The following HMCN1 variants were observed in gnomAD, a reference collection of about 807,000 sequenced individuals.
HMCN1 encodes hemicentin-1.
A neutral mutation model predicts 625.9 loss-of-function variants in HMCN1; 321 were observed. That is an observed-to-expected ratio of 0.51 (90% confidence interval 0.47 to 0.56). HMCN1 has a LOEUF of 0.56. Among genes scored for constraint, HMCN1 ranks in the 20% least tolerant of loss-of-function variants. HMCN1 has a pLI of 0.00. For missense variants in HMCN1, 6,588 were observed against 6,887.3 expected, an observed-to-expected ratio of 0.96 and a Z score of 1.54; for synonymous variants, 2,425 against 2,417.6, an observed-to-expected ratio of 1.00 and a Z score of -0.09.
chr1:186,127,167 G>A (rs1309330402), intron 82 of HMCN1, among the ~76,000 whole-genome samples: 2 of 152,068 alleles, frequency 1.3e-5, no homozygotes, highest in Non-Finnish European at 2.9e-5. Flanking sequence ...GCTACAGGTG[G>A]TACAGGAAGG....
chr1:186,029,223 A>C (rs1655257892), intron 36 of HMCN1, among the ~76,000 whole-genome samples: 1 of 151,758 alleles, frequency 6.6e-6, no homozygotes, highest in Admixed American at 6.5e-5. Flanking sequence ...ATTTTTTTTC[A>C]ACCTTCTGAG....
chr1:186,041,231 A>C (rs1656186251), intron 40 of HMCN1, 95 bp downstream of exon 40: 21 of 1,051,206 alleles, frequency 2.0e-5, no homozygotes, highest in Non-Finnish European at 3.0e-5. Context: ...ACAATAAAGA[A>C]CAATGAACCT....
chr1:185,744,576 T>A (rs1654255808), intron 1 of HMCN1, among the ~76,000 whole-genome samples: 1 of 152,192 alleles, frequency 6.6e-6, no homozygotes, highest in East Asian at 1.9e-4. Flanking sequence ...TGCTCTTGAT[T>A]CAAGTCTGTG....
intron 1 of HMCN1, among the ~76,000 whole-genome samples, chr1:185,779,129 T>G (rs1461225397): frequency 2.0e-5 from 3 of 152,102 alleles, no homozygotes; most frequent in Admixed American, 6.5e-5. Context: ...TGTCTGTTGG[T>G]TGCATAAATG....
intron 1 of HMCN1, among the ~76,000 whole-genome samples, chr1:185,807,648 G>C (rs1659255432): frequency 6.6e-6 from 1 of 152,110 alleles, no homozygotes; most frequent in African/African-American, 2.4e-5. Context: ...CTCCTTTAAA[G>C]TAAGCCTTCC....
chr1:185,978,611 G>T (rs946699074), intron 16 of HMCN1, among the ~76,000 whole-genome samples: 1 of 152,092 alleles, frequency 6.6e-6, no homozygotes, highest in African/African-American at 2.4e-5. Context: ...TAAAAATAAT[G>T]GGATGTTTGG....
chr1:186,105,977 G>T (rs559122002), intron 69 of HMCN1, among the ~76,000 whole-genome samples: 1 of 152,156 alleles, frequency 6.6e-6, no homozygotes, highest in African/African-American at 2.4e-5. Flanking sequence ...TGTAAGTGTT[G>T]TTCTTCTAAA....
chr1:185,767,376 A>G lies in HMCN1; in HGVS notation c.268+32329A>G, dbSNP rs74133299. Among the ~76,000 whole-genome samples, 1,352 of 152,326 alleles carry G rather than the reference A, an allele frequency of 8.9e-3. 20 individuals are homozygous for G. Among genetic ancestry groups the G allele is most frequent in the African/African-American group, 0.029 (1,219 of 41,572 alleles). On this transcript the variant is annotated intron_variant, in intron 1 of 106. Coordinates refer to ENST00000271588, the MANE Select transcript of HMCN1 (RefSeq NM_031935.3). ...TGTGAATTTTGAGAGTAAATATTTC[A>G]GTTAAATGGTATCAGCTTTCCATTT...
chr1:186,054,192 G>C (rs1657152695), intron 44 of HMCN1, among the ~76,000 whole-genome samples: 2 of 151,966 alleles, frequency 1.3e-5, no homozygotes, highest in African/African-American at 4.8e-5. Flanking sequence ...TGTCCACTCT[G>C]CATTAGCTCA....
chr1:186,060,094 G>GA (rs946429450), intron 46 of HMCN1, among the ~76,000 whole-genome samples: 67 of 151,870 alleles, frequency 4.4e-4, no homozygotes, highest in African/African-American at 1.5e-3. Context: ...ATTCAATTGG[G>GA]AAAAAAAGGC....
At position 185,963,779 on chromosome 1, in the gene HMCN1, C is replaced by A; in HGVS notation, c.1982C>A (p.Thr661Asn). The change falls in exon 13 of 107, where the codon ACC becomes AAC. Residue 661 changes from threonine (T) to asparagine (N), a missense_variant. By Grantham distance (65) the Thr-to-Asn change is moderately conservative. Coordinates refer to ENST00000271588, the MANE Select transcript of HMCN1 (RefSeq NM_031935.3). ...TTTTTTATTCATAGGTATAGGATGA[C>A]CTCAGATGGTACCTTATTTATCAAA... ...FIVGSHRYRM[T>N]SDGTLFIKNA... 3 of 1,603,306 alleles carry A rather than the reference C, an allele frequency of 1.9e-6. No individual in the cohort carries two copies. The highest frequency in any genetic ancestry group is 2.6e-6 in the Non-Finnish European group (3 of 1,170,832).
At chr1:185,858,063 CT>C (rs1461353997) in intron 2 of HMCN1, among the ~76,000 whole-genome samples, 1 of 152,082 alleles carries the variant, frequency 6.6e-6, no homozygotes, top group Non-Finnish European at 1.5e-5. Context: ...CAAATCTCTG[CT>C]TTTTCACTTA....
chr1:185,870,269 T>C (rs1457513348), intron 4 of HMCN1, among the ~76,000 whole-genome samples: 1 of 152,204 alleles, frequency 6.6e-6, no homozygotes, highest in African/African-American at 2.4e-5. Flanking sequence ...ATTTATATGC[T>C]AGGTGGGTTG....
chr1:185,919,490 T>G (rs1318810266), intron 6 of HMCN1, among the ~76,000 whole-genome samples: 1 of 152,174 alleles, frequency 6.6e-6, no homozygotes, highest in Non-Finnish European at 1.5e-5. Flanking sequence ...GGGGGCTATG[T>G]CAGAAAGCAC....
intron 68 of HMCN1, among the ~76,000 whole-genome samples, chr1:186,096,850 G>A (rs1199902785): frequency 6.6e-6 from 1 of 152,090 alleles, no homozygotes; most frequent in African/African-American, 2.4e-5. Context: ...ATTCCTTCAT[G>A]AGAAAAACCC....
At chr1:186,154,925 G>T (rs1650898079) in intron 97 of HMCN1, among the ~76,000 whole-genome samples, 1 of 152,070 alleles carries the variant, frequency 6.6e-6, no homozygotes, top group African/African-American at 2.4e-5. Context: ...TATTCTGTGG[G>T]GTTTTAATGC....
chr1:185,780,441 T>A (rs1656985554), intron 1 of HMCN1, among the ~76,000 whole-genome samples: 1 of 152,206 alleles, frequency 6.6e-6, no homozygotes, highest in South Asian at 2.1e-4. Context: ...TCAAAGGGAA[T>A]GCTTCCAGTT....
intron 93 of HMCN1, among the ~76,000 whole-genome samples, chr1:186,148,649 C>T (rs1029900886): frequency 2.0e-5 from 3 of 152,128 alleles, no homozygotes; most frequent in Non-Finnish European, 4.4e-5. Context: ...TTACAAGTGC[C>T]CACCACCATG....
At chr1:185,950,250 A>G (rs993845078) in intron 11 of HMCN1, among the ~76,000 whole-genome samples, 1 of 151,034 alleles carries the variant, frequency 6.6e-6, no homozygotes, top group Non-Finnish European at 1.5e-5. Context: ...GGAGCCGGGA[A>G]GCAGAAAGTA....
Sources: gnomAD v4.1 joint callset for allele counts (sites outside exome capture counted in the v4.1 genomes callset) on GRCh38, gnomAD v4.1.1 for gene constraint, MANE v1.5 for transcripts, NCBI Gene and HGNC (gene_info 2026-07-23, HGNC 2026-07-21) for gene names.